RABGAP1L: variants seen among roughly 807,000 people sequenced by gnomAD.
RABGAP1L encodes rab GTPase-activating protein 1-like.
In RABGAP1L, 63 loss-of-function variants were observed where a neutral mutation model predicts 137.7. That is an observed-to-expected ratio of 0.46 (90% CI 0.37 to 0.56). The LOEUF (loss-of-function observed/expected upper bound fraction) is 0.56. Ranked by LOEUF, RABGAP1L falls within the 20% of genes least tolerant of loss-of-function variation. The probability of loss-of-function intolerance (pLI) is 0.00; values close to 1 mark genes in which losing one functional copy is unlikely to be tolerated. For synonymous variants in RABGAP1L, 431 were observed against 433.7 expected (o/e 0.99, Z 0.08); for missense variants, 1,095 against 1,244.0 (o/e 0.88, Z 1.80).
At chr1:174,877,734 A>T (rs1653379844) in intron 19 of RABGAP1L, 2 of 896,674 alleles carry the variant, frequency 2.2e-6, no homozygotes, top group Non-Finnish European at 3.4e-6. Flanking sequence ...TCAAAGATTT[A>T]TTTACATAAT....
chr1:174,760,565 G>A (rs988447115), intron 18 of RABGAP1L, among the ~76,000 whole-genome samples: 26 of 152,138 alleles, frequency 1.7e-4, no homozygotes, highest in Admixed American at 1.6e-3. Flanking sequence ...TTTAACCAGG[G>A]TACTGTTGAT....
chr1:174,582,363 G>A (rs1275153080), intron 13 of RABGAP1L, among the ~76,000 whole-genome samples: 2 of 152,134 alleles, frequency 1.3e-5, no homozygotes, highest in South Asian at 2.1e-4. Context: ...TTGAAGTTGA[G>A]GCTTTGTGTA....
chr1:174,281,397 A>G (rs1016158995), intron 10 of RABGAP1L, among the ~76,000 whole-genome samples: 3 of 152,120 alleles, frequency 2.0e-5, no homozygotes, highest in African/African-American at 4.8e-5. Flanking sequence ...GACACAGAGC[A>G]CTGACTGGTG....
intron 8 of RABGAP1L, 104 bp downstream of exon 8, chr1:174,272,584 C>T: frequency 7.4e-7 from 1 of 1,342,494 alleles, no homozygotes; most frequent in South Asian, 2.1e-5. Context: ...AAAATTATTT[C>T]TTGCAGCTGT....
intron 11 of RABGAP1L, among the ~76,000 whole-genome samples, chr1:174,319,944 A>G (rs931521118): frequency 1.3e-5 from 2 of 152,046 alleles, no homozygotes; most frequent in African/African-American, 2.4e-5. Flanking sequence ...TTCGATCACT[A>G]TGTTTTTGCA....
chr1:174,796,007 G>T (rs1468001097), intron 18 of RABGAP1L, among the ~76,000 whole-genome samples: 3 of 152,164 alleles, frequency 2.0e-5, no homozygotes, highest in Admixed American at 6.5e-5. Flanking sequence ...AGACTTATTT[G>T]CAGGGCCCCA....
chr1:174,296,727 C>G (rs1048805593), intron 10 of RABGAP1L, among the ~76,000 whole-genome samples: 1 of 151,766 alleles, frequency 6.6e-6, no homozygotes, highest in South Asian at 2.1e-4. Context: ...TTTAAGGACC[C>G]CAATATAGAA....
intron 11 of RABGAP1L, among the ~76,000 whole-genome samples, chr1:174,321,723 T>C (rs547239815): frequency 2.0e-5 from 3 of 152,332 alleles, no homozygotes; most frequent in African/African-American, 7.2e-5. Context: ...CTACCAGCAA[T>C]AGATGAATCA....
chr1:174,514,742 C>T lies in RABGAP1L; in HGVS notation c.1710+120597C>T, dbSNP rs186282212. 3.8e-3 allele frequency among the ~76,000 whole-genome samples: 572 copies of T among 152,296 alleles called. 3 individuals carry two copies. Among genetic ancestry groups the T allele is most frequent in the Middle Eastern group, 0.014 (4 of 294 alleles). ...TCACACAGCATATTCAATTGCACCA[C>T]ACTCTTTTTAATCACAATTCTTTCT... On this transcript the variant is annotated intron_variant, in intron 13 of 25. Coordinates refer to ENST00000681986, the MANE Select transcript of RABGAP1L (RefSeq NM_001366446.1).
chr1:174,267,054 A>G (rs1343136484), intron 7 of RABGAP1L, among the ~76,000 whole-genome samples: 4 of 152,220 alleles, frequency 2.6e-5, no homozygotes, highest in Non-Finnish European at 5.9e-5. Flanking sequence ...AAAGCTGCTT[A>G]TGGTTTAACT....
intron 13 of RABGAP1L, among the ~76,000 whole-genome samples, chr1:174,555,498 C>A (rs1008945808): frequency 2.6e-5 from 4 of 151,882 alleles, no homozygotes; most frequent in African/African-American, 9.7e-5. Context: ...AAACATTTGT[C>A]GAGCATTTAT....
Position 174,843,736 on chromosome 1 carries a change from T to A in RABGAP1L, c.2340+31776T>A, listed in dbSNP as rs1398931465. On this transcript the variant is annotated intron_variant, in intron 19 of 25. Transcript: ENST00000681986. ...AGCATGATTTATAGTCATTTGGGTA[T>A]ATACCCAGTAATGGGATGGCTGGGT... 5.6e-3 allele frequency among the ~76,000 whole-genome samples: 519 copies of A among 92,560 alleles called. 12 individuals carry two copies. Among genetic ancestry groups the A allele is most frequent in the Admixed American group, 0.048 (357 of 7,426 alleles). The allele number at this position is 92,560 out of a possible 152,430, so 60.7% of individuals were successfully genotyped here.
At chr1:174,614,464 C>A (rs1388523622) in intron 13 of RABGAP1L, among the ~76,000 whole-genome samples, 1 of 152,202 alleles carries the variant, frequency 6.6e-6, no homozygotes, top group Non-Finnish European at 1.5e-5. Context: ...GACTGATGGG[C>A]TTCCCTTTGT....
chr1:174,241,096 G>T (rs1244719290), intron 4 of RABGAP1L, among the ~76,000 whole-genome samples: 2 of 152,068 alleles, frequency 1.3e-5, no homozygotes, highest in Non-Finnish European at 2.9e-5. Context: ...CAACGCGGGG[G>T]GTCACCTGTG....
intron 13 of RABGAP1L, among the ~76,000 whole-genome samples, chr1:174,422,335 C>T (rs549156058): frequency 6.6e-6 from 1 of 151,906 alleles, no homozygotes; most frequent in African/African-American, 2.4e-5. Context: ...TGTATCTAGG[C>T]TGCCTGTGCT....
intron 11 of RABGAP1L, among the ~76,000 whole-genome samples, chr1:174,322,597 G>C (rs191643774): frequency 3.0e-4 from 45 of 152,292 alleles, no homozygotes; most frequent in African/African-American, 9.4e-4. Context: ...AGACCAAGGT[G>C]AAAGTTTCAG....
At chr1:174,637,566 T>C (rs2148342773) in intron 14 of RABGAP1L, 78 bp downstream of exon 14, 1 of 1,022,162 alleles carries the variant, frequency 9.8e-7, no homozygotes, top group East Asian at 2.5e-5. Context: ...ATTTTTTTAC[T>C]CTGTCTTCAT....
chr1:174,936,047 G>A (rs2149273925), intron 19 of RABGAP1L, among the ~76,000 whole-genome samples: 1 of 148,080 alleles, frequency 6.8e-6, no homozygotes, highest in South Asian at 2.1e-4. Context: ...TTTGCAGTAT[G>A]TAGATTTAAA....
At chr1:174,614,953 A>G (rs1016214862) in intron 13 of RABGAP1L, among the ~76,000 whole-genome samples, 15 of 151,908 alleles carry the variant, frequency 9.9e-5, no homozygotes, top group Admixed American at 6.6e-5. Flanking sequence ...ACTTCTCTAT[A>G]TTGGTTATTC....
Sources: gnomAD v4.1 joint callset for allele counts (sites outside exome capture counted in the v4.1 genomes callset) on GRCh38, gnomAD v4.1.1 for gene constraint, MANE v1.5 for transcripts, NCBI Gene and HGNC (gene_info 2026-07-23, HGNC 2026-07-21) for gene names.